SUGCT: variants seen among roughly 807,000 people sequenced by gnomAD.
SUGCT encodes succinyl-CoA:glutarate-CoA transferase.
A neutral mutation model predicts 55.0 loss-of-function variants in SUGCT; 41 were observed. The observed-to-expected ratio is 0.74, with a 90% confidence interval of 0.58 to 0.97. The LOEUF is 0.97. Among genes scored for constraint, SUGCT ranks in the 50% least tolerant of loss-of-function variants. The pLI, the probability that SUGCT is intolerant of heterozygous loss-of-function variation, is 0.00. For synonymous variants in SUGCT, 187 were observed against 200.4 expected (o/e 0.93, Z 0.56); for missense variants, 568 against 547.8 (o/e 1.04, Z -0.37).
intron 7 of SUGCT, among the ~76,000 whole-genome samples, chr7:40,255,596 G>A (rs1790755830): frequency 6.7e-6 from 1 of 148,514 alleles, no homozygotes; most frequent in Non-Finnish European, 1.5e-5. Flanking sequence ...GGGAGAGGGC[G>A]GTTGCAGTGA....
In SUGCT at chr7:40,321,374, G is replaced by A. The variant is rs183517488; in HGVS notation, c.816+4519G>A. ...TTATGGCCATGAGCCACCGTGCCCA[G>A]CCATTTTTGTTTTACTTTGTTTTAT... On this transcript the variant is annotated intron_variant, in intron 9 of 13. Transcript: ENST00000335693. Among the ~76,000 whole-genome samples, 426 of 150,718 alleles carry A rather than the reference G, an allele frequency of 2.8e-3. 1 individual carries two copies. Among genetic ancestry groups the A allele is most frequent in the African/African-American group, 9.5e-3 (386 of 40,652 alleles).
the SUGCT span, among the ~76,000 whole-genome samples, chr7:40,989,718 C>T: frequency 8.5e-5 from 13 of 152,222 alleles, no homozygotes; most frequent in Admixed American, 5.2e-4. Flanking sequence ...TTGCAATGAG[C>T]CAGGATTATG....
chr7:40,436,671 T>C (rs1000472178), intron 9 of SUGCT, among the ~76,000 whole-genome samples: 2 of 152,184 alleles, frequency 1.3e-5, no homozygotes, highest in Non-Finnish European at 2.9e-5. Context: ...ACTGTGATTA[T>C]TGTAACATGT....
At chr7:40,454,789 T>TA (rs1037332883) in intron 10 of SUGCT, among the ~76,000 whole-genome samples, 2 of 152,144 alleles carry the variant, frequency 1.3e-5, no homozygotes. Flanking sequence ...GAAGGTTAAA[T>TA]AAAGATGTTC....
chr7:40,348,469 G>A (rs1797445154), intron 9 of SUGCT, among the ~76,000 whole-genome samples: 1 of 152,138 alleles, frequency 6.6e-6, no homozygotes, highest in African/African-American at 2.4e-5. Context: ...TCAGATGATT[G>A]GTGTGGGCAT....
At chr7:40,676,466 C>T (rs999698681) in intron 12 of SUGCT, among the ~76,000 whole-genome samples, 1 of 150,974 alleles carries the variant, frequency 6.6e-6, no homozygotes, top group African/African-American at 2.4e-5. Context: ...GAAGCAGAGA[C>T]ACACCAAGGA....
At chr7:40,324,252 A>ATATAT (rs1554311560) in intron 9 of SUGCT, among the ~76,000 whole-genome samples, 2 of 117,650 alleles carry the variant, frequency 1.7e-5, no homozygotes, top group African/African-American at 7.1e-5. Context: ...TAAATAAATA[A>ATATAT]ATATATATAT....
intron 9 of SUGCT, among the ~76,000 whole-genome samples, chr7:40,340,565 A>G (rs1165260155): frequency 6.6e-6 from 1 of 152,210 alleles, no homozygotes; most frequent in Non-Finnish European, 1.5e-5. Context: ...AGGAGCTCAT[A>G]TAAAGACTTT....
chr7:40,941,894 AT>A, the SUGCT span, among the ~76,000 whole-genome samples: 1 of 151,906 alleles, frequency 6.6e-6, no homozygotes, highest in African/African-American at 2.4e-5. Flanking sequence ...ACTACTGTTC[AT>A]TTTTTGTTTC....
chr7:41,017,934 T>A, the SUGCT span, among the ~76,000 whole-genome samples: 1 of 151,420 alleles, frequency 6.6e-6, no homozygotes, highest in Non-Finnish European at 1.5e-5. Flanking sequence ...TTGATGGAAT[T>A]GTGTTGTCAG....
intron 1 of SUGCT, among the ~76,000 whole-genome samples, chr7:40,141,434 A>C (rs1439227631): frequency 6.6e-6 from 1 of 151,994 alleles, no homozygotes; most frequent in Non-Finnish European, 1.5e-5. Flanking sequence ...GGAGTTCGAG[A>C]CCAGCCTGGC....
intron 12 of SUGCT, among the ~76,000 whole-genome samples, chr7:40,722,070 AT>A (rs555846890): frequency 0.04 from 5,871 of 147,362 alleles, 235 homozygotes; most frequent in African/African-American, 0.11. Flanking sequence ...TCTCCCAGTA[AT>A]TTTTTTTTTT....
chr7:40,173,067 C>T (rs1375699999), intron 1 of SUGCT, among the ~76,000 whole-genome samples: 3 of 152,160 alleles, frequency 2.0e-5, no homozygotes, highest in Non-Finnish European at 2.9e-5. Context: ...CCCAAGATGG[C>T]GGCAAGTCTT....
chr7:40,832,799 C>T (rs1792764428), intron 13 of SUGCT, among the ~76,000 whole-genome samples: 1 of 151,932 alleles, frequency 6.6e-6, no homozygotes, highest in South Asian at 2.1e-4. Context: ...CTCACCCTCC[C>T]AAGTAGCTGG....
At chr7:40,682,810 T>C (rs1784313213) in intron 12 of SUGCT, among the ~76,000 whole-genome samples, 2 of 151,700 alleles carry the variant, frequency 1.3e-5, no homozygotes, top group South Asian at 4.2e-4. Context: ...TTGAACAGAG[T>C]CATTATTCTT....
chr7:40,608,026 A>G (rs1012234376), intron 12 of SUGCT, among the ~76,000 whole-genome samples: 2 of 152,256 alleles, frequency 1.3e-5, no homozygotes, highest in African/African-American at 2.4e-5. Flanking sequence ...TGTGAGTTCT[A>G]TTATTAGTTT....
the SUGCT span, among the ~76,000 whole-genome samples, chr7:40,879,685 G>T: frequency 6.6e-6 from 1 of 151,670 alleles, no homozygotes; most frequent in African/African-American, 2.4e-5. Context: ...CTGTTTTATT[G>T]TGGTAAAAAA....
chr7:40,678,897 C>G (rs900858663), intron 12 of SUGCT, among the ~76,000 whole-genome samples: 3 of 152,076 alleles, frequency 2.0e-5, no homozygotes, highest in African/African-American at 7.2e-5. Flanking sequence ...AAGCAAACAA[C>G]AAACAAAGAA....
chr7:40,844,462 G>A (rs976675769), intron 13 of SUGCT, among the ~76,000 whole-genome samples: 1 of 152,108 alleles, frequency 6.6e-6, no homozygotes, highest in Non-Finnish European at 1.5e-5. Context: ...AACTCTTCTC[G>A]GAAGTCCCGC....
Sources: gnomAD v4.1 joint callset for allele counts (sites outside exome capture counted in the v4.1 genomes callset) on GRCh38, gnomAD v4.1.1 for gene constraint, MANE v1.5 for transcripts, NCBI Gene and HGNC (gene_info 2026-07-23, HGNC 2026-07-21) for gene names.